PPP1R16B: variants seen among roughly 807,000 people sequenced by gnomAD.
PPP1R16B encodes protein phosphatase 1 regulatory inhibitor subunit 16B.
Under a neutral mutation model 61.7 loss-of-function variants are expected in PPP1R16B, and 14 were observed. That is an observed-to-expected ratio of 0.23 (90% CI 0.15 to 0.35). The LOEUF (loss-of-function observed/expected upper bound fraction) is 0.35. Ranked by LOEUF, PPP1R16B falls within the 10% of genes least tolerant of loss-of-function variation. The pLI is 1.00. For synonymous variants in PPP1R16B, 266 were observed against 305.3 expected, an observed-to-expected ratio of 0.87 and a Z score of 1.34; for missense variants, 547 against 752.5, an observed-to-expected ratio of 0.73 and a Z score of 3.19.
intron 2 of PPP1R16B, among the ~76,000 whole-genome samples, chr20:38,857,071 G>A (rs982939616): frequency 2.0e-5 from 3 of 152,204 alleles, no homozygotes; most frequent in East Asian, 1.9e-4. Flanking sequence ...CCCATTGCCC[G>A]TGAGGTCTGT....
At chr20:38,889,378 T>C (rs1291433197) in intron 2 of PPP1R16B, among the ~76,000 whole-genome samples, 2 of 152,236 alleles carry the variant, frequency 1.3e-5, no homozygotes, top group Non-Finnish European at 2.9e-5. Context: ...CGGGAAGTGC[T>C]AAATAATTGT....
Position 38,906,118 on chromosome 20 carries a change from G to C in PPP1R16B, c.822+24G>C, listed in dbSNP as rs201970172. On this transcript the variant is annotated intron_variant, in intron 7 of 10. Transcript: ENST00000299824. Reference sequence around the variant, plus strand: ...AGGTAGTTCTCACCCACAGGGCTGTGGGGGAGGCCGGCACAGGGCTAACCT... The same window carrying C: ...AGGTAGTTCTCACCCACAGGGCTGTCGGGGAGGCCGGCACAGGGCTAACCT... 77 of 1,607,246 alleles carry C rather than the reference G, an allele frequency of 4.8e-5. No homozygotes were observed. In the East Asian group the frequency reaches 1.7e-3, roughly 35 times the overall value.
intron 2 of PPP1R16B, among the ~76,000 whole-genome samples, chr20:38,863,133 C>G (rs550511411): frequency 6.6e-6 from 1 of 152,276 alleles, no homozygotes; most frequent in South Asian, 2.1e-4. Context: ...GGAAGCCCAC[C>G]ACCCAGGAGT....
chr20:38,899,705 A>G (rs1386023662), intron 4 of PPP1R16B, among the ~76,000 whole-genome samples: 1 of 152,218 alleles, frequency 6.6e-6, no homozygotes, highest in African/African-American at 2.4e-5. Context: ...TGGAGAAGTA[A>G]AAAGAACTAA....
At chr20:38,827,840 G>A (rs2084813987) in intron 1 of PPP1R16B, among the ~76,000 whole-genome samples, 1 of 152,112 alleles carries the variant, frequency 6.6e-6, no homozygotes, top group Admixed American at 6.5e-5. Context: ...GTGGGAGGGC[G>A]GGGGTGTACA....
intron 1 of PPP1R16B, among the ~76,000 whole-genome samples, chr20:38,814,900 C>A (rs2084725568): frequency 6.6e-6 from 1 of 152,174 alleles, no homozygotes; most frequent in Non-Finnish European, 1.5e-5. Context: ...TGGTGACTTT[C>A]TCTGTCTCCT....
chr20:38,874,681 C>A (rs1465540865), intron 2 of PPP1R16B, among the ~76,000 whole-genome samples: 1 of 152,170 alleles, frequency 6.6e-6, no homozygotes, highest in African/African-American at 2.4e-5. Flanking sequence ...GGCTTGCTGG[C>A]AGAAGAGGAA....
At chr20:38,838,017 A>G (rs2084883813) in intron 2 of PPP1R16B, 1 of 152,272 alleles carries the variant, frequency 6.6e-6, no homozygotes, top group East Asian at 1.9e-4. Context: ...AGAGAGGTTC[A>G]GAACCTTGAC....
Position 38,902,690 on chromosome 20 carries a change from C to T in PPP1R16B, c.594C>T (p.Asn198=), listed in dbSNP as rs200868467. Residue 198 remains asparagine, a synonymous_variant, in exon 6 of 11, where the codon AAC becomes AAT. Transcript: ENST00000299824. The part of the protein sequence containing the change: ...AYQGITQEKI[N]EMRVAPEQQM... Reference sequence around the variant, plus strand: ...CAGGCATCACCCAAGAGAAAATCAACGAGATGCGGGTGGCTCCTGAGCAGC... The same window carrying T: ...CAGGCATCACCCAAGAGAAAATCAATGAGATGCGGGTGGCTCCTGAGCAGC... The T allele has an allele frequency of 3.2e-5, 52 of 1,614,182 alleles. No homozygotes were observed. Among genetic ancestry groups the T allele is most frequent in the South Asian group, 1.6e-4 (15 of 91,078 alleles).
intron 2 of PPP1R16B, among the ~76,000 whole-genome samples, chr20:38,876,621 A>G (rs926106052): frequency 2.0e-5 from 3 of 151,984 alleles, no homozygotes; most frequent in Non-Finnish European, 2.9e-5. Flanking sequence ...CAGTGTGCCA[A>G]CCCCTGCACT....
chr20:38,893,806 G>A (rs2085310747), intron 3 of PPP1R16B, among the ~76,000 whole-genome samples: 1 of 152,108 alleles, frequency 6.6e-6, no homozygotes, highest in South Asian at 2.1e-4. Flanking sequence ...TGGGCACACA[G>A]TCCCCTCGCC....
intron 3 of PPP1R16B, among the ~76,000 whole-genome samples, chr20:38,894,196 T>G (rs1226261972): frequency 6.9e-6 from 1 of 145,880 alleles, no homozygotes; most frequent in East Asian, 2.2e-4. Flanking sequence ...AAACGGCTGC[T>G]CCTTTCCCAC....
chr20:38,834,089 C>G (rs374518071), intron 1 of PPP1R16B, among the ~76,000 whole-genome samples: 1 of 152,234 alleles, frequency 6.6e-6, no homozygotes, highest in South Asian at 2.1e-4. Context: ...AAACATGCTG[C>G]ATTTACATCT....
intron 2 of PPP1R16B, among the ~76,000 whole-genome samples, chr20:38,858,171 A>G (rs1286923566): frequency 6.6e-6 from 1 of 152,110 alleles, no homozygotes; most frequent in Non-Finnish European, 1.5e-5. Context: ...ATCTCCCAAA[A>G]GTCCCATCTC....
At position 38,846,719 on chromosome 20, in the gene PPP1R16B, T is replaced by C. The variant is rs569750361; in HGVS notation, c.250+10544T>C. 5.3e-5 allele frequency among the ~76,000 whole-genome samples: 8 copies of C among 152,308 alleles called. No individual in the cohort carries two copies. The South Asian group carries it at 1.7e-3, about 32-fold the overall frequency. On this transcript the variant is annotated intron_variant, in intron 2 of 10. Transcript: ENST00000299824. ...AATATCAATGTATAAAAGTATTTGGTTGGCCGGGCGCTGTGGCTCATGCCT... is the reference window on the plus strand; with the variant it reads ...AATATCAATGTATAAAAGTATTTGGCTGGCCGGGCGCTGTGGCTCATGCCT...
chr20:38,881,734 G>T (rs1293577837), intron 2 of PPP1R16B, among the ~76,000 whole-genome samples: 2 of 152,212 alleles, frequency 1.3e-5, no homozygotes, highest in Admixed American at 6.5e-5. Context: ...ATCACATGAT[G>T]TTCTGGAACA....
chr20:38,827,839 C>T (rs551606654), intron 1 of PPP1R16B, among the ~76,000 whole-genome samples: 73 of 152,088 alleles, frequency 4.8e-4, no homozygotes, highest in African/African-American at 1.4e-3. Context: ...TGTGGGAGGG[C>T]GGGGGTGTAC....
At chr20:38,835,215 T>C (rs184953656) in intron 1 of PPP1R16B, among the ~76,000 whole-genome samples, 39 of 152,338 alleles carry the variant, frequency 2.6e-4, no homozygotes, top group Non-Finnish European at 4.4e-4. Flanking sequence ...ACAACTTGCA[T>C]CCCATAGTGA....
intron 2 of PPP1R16B, among the ~76,000 whole-genome samples, chr20:38,853,925 G>A (rs961171208): frequency 1.1e-4 from 17 of 152,190 alleles, no homozygotes; most frequent in African/African-American, 3.6e-4. Flanking sequence ...CCTGCATCGC[G>A]CTTGCTCATG....
Sources: allele counts gnomAD v4.1 joint callset (sites outside exome capture counted in the v4.1 genomes callset), GRCh38; gene constraint gnomAD v4.1.1; transcripts MANE v1.5; gene names NCBI Gene and HGNC (gene_info 2026-07-23, HGNC 2026-07-21).